Variants in SASH1 observed in about 807,000 individuals in gnomAD.
The protein encoded by SASH1 is SAM and SH3 domain containing 1.
Under a neutral mutation model 125.2 loss-of-function variants are expected in SASH1, and 44 were observed. The ratio of observed to expected loss-of-function variants is 0.35; its 90% CI spans 0.28 to 0.45. SASH1 has a LOEUF of 0.45. Among genes scored for constraint, SASH1 ranks in the 20% least tolerant of loss-of-function variants. The pLI is 1.00. For synonymous variants in SASH1, 639 were observed against 649.1 expected (o/e 0.98, Z 0.24); for missense variants, 1,426 against 1,614.5 (o/e 0.88, Z 2.00).
chr6:148,318,417 C>T (rs561963742), intron 1 of SASH1, among the ~76,000 whole-genome samples: 82 of 152,258 alleles, frequency 5.4e-4, no homozygotes, highest in Non-Finnish European at 6.8e-4. Context: ...CTGAATGCAT[C>T]AACAGCTTTC....
intron 7 of SASH1, among the ~76,000 whole-genome samples, chr6:148,482,842 C>G: frequency 6.6e-6 from 1 of 152,048 alleles, no homozygotes; most frequent in East Asian, 1.9e-4. Context: ...GCACGTGCCA[C>G]AACGCCCAGC....
At chr6:148,538,063 A>G (rs1431971927) in intron 16 of SASH1, among the ~76,000 whole-genome samples, 1 of 152,012 alleles carries the variant, frequency 6.6e-6, no homozygotes, top group Non-Finnish European at 1.5e-5. Context: ...TACAGAGGAG[A>G]GGCACCTCAC....
the SASH1 span, among the ~76,000 whole-genome samples, chr6:148,248,556 T>G: frequency 2.0e-5 from 3 of 152,244 alleles, no homozygotes; most frequent in African/African-American, 7.2e-5. Context: ...CTTGTATCTT[T>G]ATAAAGAAGC....
At chr6:148,282,464 C>A (rs548136185) in intron 1 of SASH1, among the ~76,000 whole-genome samples, 1 of 152,248 alleles carries the variant, frequency 6.6e-6, no homozygotes, top group African/African-American at 2.4e-5. Flanking sequence ...TCACTGCAAC[C>A]TCTGCCTCCC....
the SASH1 span, among the ~76,000 whole-genome samples, chr6:148,226,670 C>T: frequency 6.6e-6 from 1 of 152,154 alleles, no homozygotes; most frequent in South Asian, 2.1e-4. Context: ...GGACACGTAG[C>T]CTGTGTATTC....
Position 148,540,574 on chromosome 6 carries a change from C to T in SASH1, c.2209+18C>T, listed in dbSNP as rs754603067. On this transcript the variant is annotated intron_variant, in intron 17 of 19. Coordinates refer to ENST00000367467, the MANE Select transcript of SASH1 (RefSeq NM_015278.5). ...GGAAAACGGTAATGTCAGCATGAGTCGCTGGGAACCTGCTTTGACAAGTAC... is the reference window on the plus strand; with the variant it reads ...GGAAAACGGTAATGTCAGCATGAGTTGCTGGGAACCTGCTTTGACAAGTAC... 3 of 1,572,340 alleles carry T rather than the reference C, an allele frequency of 1.9e-6. No individual in the cohort carries two copies. The highest frequency in any genetic ancestry group is 1.7e-6 in the Non-Finnish European group (2 of 1,143,814).
rs1187610610 is a variant in SASH1 at position 148,544,891 on chromosome 6, C to T, written c.3348+73C>T. 2 of 1,440,086 alleles carry T rather than the reference C, an allele frequency of 1.4e-6. No individual in the cohort carries two copies. Among genetic ancestry groups the T allele is most frequent in the Admixed American group, 2.4e-5 (1 of 41,140 alleles). 89.2% of individuals were successfully genotyped at this position (1,440,086 alleles called of 1,614,324 possible). A position where few individuals can be genotyped will look rare whatever the true frequency, so the allele number is the denominator to read the frequency against. The stretch of plus-strand genomic sequence containing the variant: ...AAGTCAGGCAGCCAGGTGAGATGAA[C>T]CCACATCTGAAGCCAGCCCGGTAGC... On this transcript the variant is annotated intron_variant, in intron 18 of 19. Coordinates refer to ENST00000367467, the MANE Select transcript of SASH1 (RefSeq NM_015278.5). This position sits in a 1 kb window ranked among gnomAD's most constrained non-coding sequence, Gnocchi z 6.4.
intron 8 of SASH1, among the ~76,000 whole-genome samples, chr6:148,489,228 C>A (rs1778998089): frequency 6.6e-6 from 1 of 152,116 alleles, no homozygotes; most frequent in Non-Finnish European, 1.5e-5. Flanking sequence ...AAAAGACTGT[C>A]CTTTCCTCAT....
the SASH1 span, among the ~76,000 whole-genome samples, chr6:148,233,740 T>TAGAAAA: frequency 8.5e-5 from 1 of 11,696 alleles, no homozygotes; most frequent in African/African-American, 1.4e-3. Context: ...GCTTCCTCTC[T>TAGAAAA]ACAAAAAAAA....
chr6:148,544,589 C>G lies in SASH1; in HGVS notation c.3119C>G (p.Ala1040Gly). The change falls in exon 18 of 20, where the codon GCT (alanine) becomes GGT (glycine). Residue 1040 changes from alanine (A) to glycine (G), a missense_variant. Coordinates refer to ENST00000367467, the MANE Select transcript of SASH1 (RefSeq NM_015278.5). The surrounding 1 kb of genome is among the most constrained non-coding windows in gnomAD (Gnocchi z 6.4). ...TSPSDCPPAL[A>G]PRPLSGQAPG... is the part of the protein sequence containing the mutation. Reference sequence around the variant, plus strand: ...CCTAGCGACTGTCCCCCAGCACTGGCTCCCAGGCCTCTCTCAGGGCAGGCG... The same window carrying G: ...CCTAGCGACTGTCCCCCAGCACTGGGTCCCAGGCCTCTCTCAGGGCAGGCG... 6.2e-7 allele frequency: 1 copy of G among 1,613,264 alleles called. No individual in the cohort carries two copies. Among genetic ancestry groups the G allele is most frequent in the Non-Finnish European group, 8.5e-7 (1 of 1,179,920 alleles).
the SASH1 span, among the ~76,000 whole-genome samples, chr6:148,261,201 A>G: frequency 6.6e-6 from 1 of 152,232 alleles, no homozygotes; most frequent in Non-Finnish European, 1.5e-5. Flanking sequence ...AAGAAAGTCC[A>G]TAGCAAATCC....
At chr6:148,501,165 T>C (rs549835249) in intron 8 of SASH1, among the ~76,000 whole-genome samples, 52 of 152,176 alleles carry the variant, frequency 3.4e-4, no homozygotes, top group African/African-American at 8.9e-4. Flanking sequence ...CTTCCCTCCA[T>C]TGCCATTTGG....
At chr6:148,347,141 GTAAATTGTGATGGTTCTTCAGCTTCTGC>G (rs1182473854) in intron 1 of SASH1, among the ~76,000 whole-genome samples, 2 of 152,072 alleles carry the variant, frequency 1.3e-5, no homozygotes, top group Non-Finnish European at 2.9e-5. Flanking sequence ...TATCCATTTG[GTAAATTGTGATGGTTCTTCAGCTTCTGC>G]CTACAGGATT....
At chr6:148,261,750 CG>C in the SASH1 span, among the ~76,000 whole-genome samples, 1 of 152,022 alleles carries the variant, frequency 6.6e-6, no homozygotes. Context: ...GGACAGACAA[CG>C]GGGTTAGTGC....
At chr6:148,359,383 T>A (rs2114698921) in intron 1 of SASH1, among the ~76,000 whole-genome samples, 1 of 151,200 alleles carries the variant, frequency 6.6e-6, no homozygotes, top group South Asian at 2.1e-4. Context: ...TGAGCAAGAT[T>A]TTTGGTGCCA....
intron 10 of SASH1, among the ~76,000 whole-genome samples, chr6:148,523,415 T>TA (rs1393819904): frequency 6.6e-6 from 1 of 152,222 alleles, no homozygotes. Context: ...GGTGATTTGG[T>TA]GAATATATTT....
the SASH1 span, among the ~76,000 whole-genome samples, chr6:148,214,454 A>G: frequency 6.6e-6 from 1 of 152,148 alleles, no homozygotes; most frequent in Admixed American, 6.5e-5. Context: ...CTATATCTCT[A>G]TACTTCATTC....
chr6:148,332,471 AT>A (rs1781023395), intron 1 of SASH1, among the ~76,000 whole-genome samples: 1 of 152,206 alleles, frequency 6.6e-6, no homozygotes, highest in African/African-American at 2.4e-5. Flanking sequence ...TCTGTAACAA[AT>A]AACAAGTATT....
chr6:148,379,624 C>T (rs1783053855), intron 1 of SASH1, among the ~76,000 whole-genome samples: 1 of 152,160 alleles, frequency 6.6e-6, no homozygotes. Context: ...TCCATCCATC[C>T]ATCCATCTGT....
Sources: gnomAD v4.1 joint callset for allele counts (sites outside exome capture counted in the v4.1 genomes callset) on GRCh38, gnomAD v4.1.1 for gene constraint, Gnocchi (gnomAD v3.1) non-coding constraint, MANE v1.5 for transcripts, NCBI Gene and HGNC (gene_info 2026-07-23, HGNC 2026-07-21) for gene names.